Variants in SLC31A1 observed in about 807,000 individuals in gnomAD.
SLC31A1 encodes solute carrier family 31 member 1.
In SLC31A1, 5 loss-of-function variants were observed where a neutral mutation model predicts 17.2. The ratio of observed to expected loss-of-function variants is 0.29; its 90% CI spans 0.15 to 0.61. The LOEUF is 0.61. Among genes scored for constraint, SLC31A1 ranks in the 20% least tolerant of loss-of-function variants. The pLI is 0.86. For missense variants in SLC31A1, 161 were observed against 241.4 expected (o/e 0.67, Z 2.21); for synonymous variants, 76 against 78.8 (o/e 0.96, Z 0.19).
At chr9:113,221,982 C>T (rs1831281632) in intron 1 of SLC31A1, among the ~76,000 whole-genome samples, 1 of 152,210 alleles carries the variant, frequency 6.6e-6, no homozygotes, top group East Asian at 1.9e-4. Flanking sequence ...TCAATCCCGG[C>T]CTCCTCGTAA....
In SLC31A1 at chr9:113,260,859, T is replaced by C. The variant is rs1831785610; in HGVS notation, c.*386T>C. The C allele has an allele frequency of 6.3e-6, 2 of 316,378 alleles. No individual in the cohort carries two copies. The highest frequency in any genetic ancestry group is 4.4e-5 in the Admixed American group (1 of 22,570). 19.6% of individuals were successfully genotyped at this position (316,378 alleles called of 1,614,324 possible). On this transcript the variant is annotated 3_prime_UTR_variant, in exon 5 of 5. Coordinates refer to ENST00000374212, the MANE Select transcript of SLC31A1 (RefSeq NM_001859.4). ...ACAGATAGTAAGTAAATTTGGTGGT[T>C]TTTTCCCCTGGGTCAGTGATGGAAA...
intron 1 of SLC31A1, among the ~76,000 whole-genome samples, chr9:113,235,603 CTG>C (rs1831448773): frequency 6.6e-6 from 1 of 152,174 alleles, no homozygotes. Context: ...TCACAGAAGA[CTG>C]TGTATGATTT....
intron 1 of SLC31A1, among the ~76,000 whole-genome samples, chr9:113,223,510 C>T (rs1487921565): frequency 2.0e-5 from 3 of 152,180 alleles, no homozygotes; most frequent in African/African-American, 7.2e-5. Flanking sequence ...TACTGAGTAA[C>T]TGCTGGGGAT....
At chr9:113,250,017 G>A (rs371946292) in intron 1 of SLC31A1, among the ~76,000 whole-genome samples, 16,285 of 151,640 alleles carry the variant, frequency 0.11, 1,161 homozygotes, top group Non-Finnish European at 0.15. Flanking sequence ...TCATTAAAAA[G>A]TCAGGAAATA....
In SLC31A1 at chr9:113,264,444, A is replaced by C. The variant is rs549482603; in HGVS notation, c.*3971A>C. The C allele has an allele frequency of 1.3e-5, 2 of 152,798 alleles. No homozygotes were observed. The highest frequency in any genetic ancestry group is 2.4e-5 in the African/African-American group (1 of 41,586). The allele number at this position is 152,798 out of a possible 1,614,324, so 9.5% of individuals were successfully genotyped here. A position where few individuals can be genotyped will look rare whatever the true frequency, so the allele number is the denominator to read the frequency against. ...ATTGCTGTAGTAGGAATGTTTTAAC[A>C]GTGTCATATGAAAAAGAACAAAATA... On this transcript the variant is annotated 3_prime_UTR_variant, in exon 5 of 5. Coordinates refer to ENST00000374212, the MANE Select transcript of SLC31A1 (RefSeq NM_001859.4).
At position 113,249,299 on chromosome 9, in the gene SLC31A1, A is replaced by C. The variant is rs1217388425; in HGVS notation, c.-35-6815A>C. Among the ~76,000 whole-genome samples, 2 of 7,700 alleles carry C rather than the reference A, an allele frequency of 2.6e-4. 1 individual carries two copies. Among genetic ancestry groups the C allele is most frequent in the East Asian group, 0.013 (2 of 150 alleles). 5.1% of individuals were successfully genotyped at this position (7,700 alleles called of 152,430 possible). ...AGAAAACTAGTATACCTCAATTGGC[A>C]AAAAAAAAAAAAAAAAAGTAAATGA... On this transcript the variant is annotated intron_variant, in intron 1 of 4. Coordinates refer to ENST00000374212, the MANE Select transcript of SLC31A1 (RefSeq NM_001859.4).
Position 113,256,292 on chromosome 9 carries a change from A to G in SLC31A1, c.129+15A>G. 6.2e-7 allele frequency: 1 copy of G among 1,613,886 alleles called. No individual in the cohort carries two copies. Among genetic ancestry groups the G allele is most frequent in the Non-Finnish European group, 8.5e-7 (1 of 1,179,882 alleles). Reference sequence around the variant, plus strand: ...TGATGATGATGGTGAGTGCCATAGGAGGGGCAATGCAGGCCCTTTCCCACC... The same window carrying G: ...TGATGATGATGGTGAGTGCCATAGGGGGGGCAATGCAGGCCCTTTCCCACC... On this transcript the variant is annotated intron_variant, in intron 2 of 4. Coordinates refer to ENST00000374212, the MANE Select transcript of SLC31A1 (RefSeq NM_001859.4).
chr9:113,221,569 T>A lies in SLC31A1; in HGVS notation c.-145T>A. On this transcript the variant is annotated 5_prime_UTR_variant, in exon 1 of 5. Coordinates refer to ENST00000374212, the MANE Select transcript of SLC31A1 (RefSeq NM_001859.4). ...AAATCCTCGGCCTCGGTGGCGGTGG[T>A]GGACACGTCGAGCCGGGTAGAAGTG... 2 of 446,108 alleles carry A rather than the reference T, an allele frequency of 4.5e-6. No homozygotes were observed. Among genetic ancestry groups the A allele is most frequent in the South Asian group, 4.1e-5 (2 of 48,758 alleles). 27.6% of individuals were successfully genotyped at this position (446,108 alleles called of 1,614,324 possible). A position where few individuals can be genotyped will look rare whatever the true frequency, so the allele number is the denominator to read the frequency against.
chr9:113,230,262 C>T (rs1413485834), intron 1 of SLC31A1, among the ~76,000 whole-genome samples: 5 of 152,294 alleles, frequency 3.3e-5, no homozygotes, highest in South Asian at 2.1e-4. Flanking sequence ...CTTGGTCTGT[C>T]GCCCAGGCTG....
intron 1 of SLC31A1, among the ~76,000 whole-genome samples, chr9:113,242,477 T>A (rs1280501323): frequency 6.6e-6 from 1 of 152,182 alleles, no homozygotes; most frequent in Non-Finnish European, 1.5e-5. Context: ...CATGGCACAC[T>A]GCAGCTTTGA....
intron 1 of SLC31A1, among the ~76,000 whole-genome samples, chr9:113,245,723 C>T (rs780304667): frequency 6.6e-6 from 1 of 151,822 alleles, no homozygotes; most frequent in Non-Finnish European, 1.5e-5. Flanking sequence ...CATGACCTCC[C>T]AAGATCAGGT....
At chr9:113,230,986 C>T (rs1397435045) in intron 1 of SLC31A1, among the ~76,000 whole-genome samples, 2 of 152,110 alleles carry the variant, frequency 1.3e-5, no homozygotes, top group East Asian at 1.9e-4. Context: ...TCCCTATAGC[C>T]TCTGGGGCAG....
chr9:113,257,360 G>T lies in SLC31A1; in HGVS notation c.202+175G>T, dbSNP rs1445644700. Among the ~76,000 whole-genome samples the T allele has an allele frequency of 2.0e-5, 3 of 151,838 alleles. No individual in the cohort carries two copies. The East Asian group carries it at 5.8e-4, about 29-fold the overall frequency. ...AAGGTAGGAAACACAGTACTTTTTT[G>T]GTCCTCTGGTAAACCTCTGTTAACT... On this transcript the variant is annotated intron_variant, in intron 3 of 4. Transcript: ENST00000374212.
Position 113,261,787 on chromosome 9 carries a change from T to C in SLC31A1, c.*1314T>C, listed in dbSNP as rs1831796135. 1 of 152,636 alleles carries C rather than the reference T, an allele frequency of 6.6e-6. No homozygotes were observed. Among genetic ancestry groups the C allele is most frequent in the South Asian group, 2.1e-4 (1 of 4,834 alleles). The allele number at this position is 152,636 out of a possible 1,614,324, so 9.5% of individuals were successfully genotyped here. A position where few individuals can be genotyped will look rare whatever the true frequency, so the allele number is the denominator to read the frequency against. ...TTACAAGGGACCACACTTTTGAGAA[T>C]CTGTGCTTTAAGCTAAGGAAATATT... is the stretch of plus-strand genomic sequence containing the variant. On this transcript the variant is annotated 3_prime_UTR_variant, in exon 5 of 5. Coordinates refer to ENST00000374212, the MANE Select transcript of SLC31A1 (RefSeq NM_001859.4).
intron 1 of SLC31A1, among the ~76,000 whole-genome samples, chr9:113,251,028 C>G (rs922911608): frequency 6.6e-6 from 1 of 152,212 alleles, no homozygotes; most frequent in African/African-American, 2.4e-5. Flanking sequence ...TCACCAGAAT[C>G]ATGAGGCAAA....
At chr9:113,235,776 A>T (rs903041226) in intron 1 of SLC31A1, among the ~76,000 whole-genome samples, 38 of 152,194 alleles carry the variant, frequency 2.5e-4, no homozygotes, top group African/African-American at 9.2e-4. Flanking sequence ...ATGCCCTGCA[A>T]CAGTGAGCAG....
intron 1 of SLC31A1, among the ~76,000 whole-genome samples, chr9:113,244,463 G>A (rs189537099): frequency 6.6e-6 from 1 of 152,222 alleles, no homozygotes; most frequent in Admixed American, 6.5e-5. Context: ...TTCAGGGAAG[G>A]TATATGGTGA....
In SLC31A1 at chr9:113,261,477, GC is replaced by G. The variant is rs1211065232; in HGVS notation, c.*1006del. The G allele has an allele frequency of 6.6e-6, 1 of 152,542 alleles. No individual in the cohort carries two copies. The highest frequency in any genetic ancestry group is 1.5e-5 in the Non-Finnish European group (1 of 68,036). 9.4% of individuals were successfully genotyped at this position (152,542 alleles called of 1,614,324 possible). Reference sequence around the variant, plus strand: ...TTAACACTTTGATTAGCATGAACTTGCCAATCAAAAAATGACAATCAATTTG... The same window carrying G: ...TTAACACTTTGATTAGCATGAACTTGCAATCAAAAAATGACAATCAATTTG... On this transcript the variant is annotated 3_prime_UTR_variant, in exon 5 of 5. Transcript: ENST00000374212.
At chr9:113,251,737 A>G (rs1466113671) in intron 1 of SLC31A1, among the ~76,000 whole-genome samples, 1 of 152,214 alleles carries the variant, frequency 6.6e-6, no homozygotes. Flanking sequence ...TGCTTTAATA[A>G]TTAATTTGTA....
Sources: gnomAD v4.1 joint callset for allele counts (sites outside exome capture counted in the v4.1 genomes callset) on GRCh38, gnomAD v4.1.1 for gene constraint, MANE v1.5 for transcripts, NCBI Gene and HGNC (gene_info 2026-07-23, HGNC 2026-07-21) for gene names.